The following MMP16 variants were observed in gnomAD, a reference collection of about 807,000 sequenced individuals.
The protein encoded by MMP16 is matrix metallopeptidase 16, also known as matrix metalloproteinase-16.
A neutral mutation model predicts 67.8 loss-of-function variants in MMP16; 12 were observed. The observed-to-expected ratio is 0.18, with a 90% confidence interval of 0.11 to 0.29. MMP16 has a LOEUF of 0.29. Among genes scored for constraint, MMP16 ranks in the 10% least tolerant of loss-of-function variants. The pLI is 1.00. For synonymous variants in MMP16, 249 were observed against 255.9 expected (o/e 0.97, Z 0.26); for missense variants, 475 against 765.7 (o/e 0.62, Z 4.48).
chr8:88,304,582 G>C (rs567599743), intron 1 of MMP16, among the ~76,000 whole-genome samples: 1 of 152,334 alleles, frequency 6.6e-6, no homozygotes, highest in East Asian at 1.9e-4. Flanking sequence ...AAGCCCATCA[G>C]ACTAACAGCA....
chr8:88,038,546 G>T lies in MMP16; in HGVS notation c.*2915C>A, dbSNP rs905923312. 3.3e-5 allele frequency: 5 copies of T among 152,512 alleles called. No individual in the cohort carries two copies. Among genetic ancestry groups the T allele is most frequent in the African/African-American group, 1.2e-4 (5 of 41,442 alleles). The allele number at this position is 152,512 out of a possible 1,614,324, so 9.4% of individuals were successfully genotyped here. A position where few individuals can be genotyped will look rare whatever the true frequency, so the allele number is the denominator to read the frequency against. On this transcript the variant is annotated 3_prime_UTR_variant, in exon 10 of 10. Transcript: ENST00000286614. This position sits in a 1 kb window ranked among gnomAD's most constrained non-coding sequence, Gnocchi z 4.1. Reference sequence around the variant, plus strand: ...AAAAAAAATCAATTTTCAATGCAGGGTGATGGAGTTCCTCAATGATTTGCA... The same window carrying T: ...AAAAAAAATCAATTTTCAATGCAGGTTGATGGAGTTCCTCAATGATTTGCA...
At chr8:88,221,321 T>A (rs944158578) in intron 1 of MMP16, among the ~76,000 whole-genome samples, 1 of 152,136 alleles carries the variant, frequency 6.6e-6, no homozygotes, top group Non-Finnish European at 1.5e-5. Flanking sequence ...AAGTACAGAT[T>A]ACTACACAGT....
At chr8:88,229,711 A>T (rs987761556) in intron 1 of MMP16, among the ~76,000 whole-genome samples, 1 of 151,268 alleles carries the variant, frequency 6.6e-6, no homozygotes, top group South Asian at 2.1e-4. Context: ...AAAAAAAAAG[A>T]CAAGAATGCT....
At chr8:88,326,358 A>G (rs1811537502) in intron 1 of MMP16, among the ~76,000 whole-genome samples, 1 of 152,184 alleles carries the variant, frequency 6.6e-6, no homozygotes, top group South Asian at 2.1e-4. Context: ...AAAGCAAATG[A>G]CAGTCTAAAA....
At chr8:88,241,461 T>C (rs1353412813) in intron 1 of MMP16, among the ~76,000 whole-genome samples, 1 of 152,060 alleles carries the variant, frequency 6.6e-6, no homozygotes, top group Admixed American at 6.6e-5. Flanking sequence ...ATATGAACAT[T>C]TGAGAGCAGA....
intron 4 of MMP16, among the ~76,000 whole-genome samples, chr8:88,165,178 TAA>T (rs11325157): frequency 7.1e-4 from 68 of 95,238 alleles, no homozygotes; most frequent in East Asian, 3.5e-3. Context: ...ACCCCATCTC[TAA>T]AAAAAAAAAA....
intron 1 of MMP16, among the ~76,000 whole-genome samples, chr8:88,261,510 A>C (rs975538004): frequency 1.3e-5 from 2 of 152,072 alleles, no homozygotes; most frequent in African/African-American, 4.8e-5. Context: ...TTAATAGTAT[A>C]ATCGATGTTT....
At position 88,036,502 on chromosome 8, in the gene MMP16, C is replaced by T. The variant is rs1420623329; in HGVS notation, c.*4959G>A. On this transcript the variant is annotated 3_prime_UTR_variant, in exon 10 of 10. Coordinates refer to ENST00000286614, the MANE Select transcript of MMP16 (RefSeq NM_005941.5). ...GCCGCTTTATTTATTACATAAAATT[C>T]TAATTTTTAAGATATAACTGTTAAA... 1 of 151,742 alleles carries T rather than the reference C, an allele frequency of 6.6e-6. No individual in the cohort carries two copies. The highest frequency in any genetic ancestry group is 1.5e-5 in the Non-Finnish European group (1 of 67,804). 9.4% of individuals were successfully genotyped at this position (151,742 alleles called of 1,614,324 possible).
intron 2 of MMP16, among the ~76,000 whole-genome samples, chr8:88,195,668 G>T (rs1489786883): frequency 4.6e-5 from 7 of 152,142 alleles, no homozygotes; most frequent in Non-Finnish European, 1.5e-5. Context: ...GAATTGCAGT[G>T]ATTAGAGGGC....
At chr8:88,128,880 T>C (rs1807980673) in intron 4 of MMP16, among the ~76,000 whole-genome samples, 1 of 151,708 alleles carries the variant, frequency 6.6e-6, no homozygotes, top group African/African-American at 2.4e-5. Flanking sequence ...CTTAGATAGG[T>C]TTTCTGGTTC....
At chr8:88,095,041 T>C (rs1809002335) in intron 6 of MMP16, among the ~76,000 whole-genome samples, 2 of 151,810 alleles carry the variant, frequency 1.3e-5, no homozygotes, top group Non-Finnish European at 2.9e-5. Context: ...GGCCACATGG[T>C]TACAAAATTA....
At chr8:88,271,124 T>C (rs914001152) in intron 1 of MMP16, among the ~76,000 whole-genome samples, 8 of 152,176 alleles carry the variant, frequency 5.3e-5, no homozygotes, top group African/African-American at 1.9e-4. Flanking sequence ...AAGTAAAACA[T>C]GATATTCTGT....
intron 6 of MMP16, among the ~76,000 whole-genome samples, chr8:88,076,087 T>C (rs1450162408): frequency 2.0e-5 from 3 of 152,130 alleles, no homozygotes; most frequent in African/African-American, 4.8e-5. Flanking sequence ...TTGAACTTTG[T>C]TGTAGTTATC....
chr8:88,041,313 A>G lies in MMP16; in HGVS notation c.*148T>C. On this transcript the variant is annotated 3_prime_UTR_variant, in exon 10 of 10. Coordinates refer to ENST00000286614, the MANE Select transcript of MMP16 (RefSeq NM_005941.5). The surrounding 1 kb of genome is among the most constrained non-coding windows in gnomAD (Gnocchi z 6.0). ...GAGTGTATTTCCACTCATGTGCAGG[A>G]CCAGCAACCCTCTGGGTTTGAAAGG... is the stretch of plus-strand genomic sequence containing the variant. The G allele has an allele frequency of 1.4e-6, 1 of 715,342 alleles. No homozygotes were observed. The highest frequency in any genetic ancestry group is 2.4e-6 in the Non-Finnish European group (1 of 420,178). The allele number at this position is 715,342 out of a possible 1,614,324, so 44.3% of individuals were successfully genotyped here. A position where few individuals can be genotyped will look rare whatever the true frequency, so the allele number is the denominator to read the frequency against.
At position 88,041,560 on chromosome 8, in the gene MMP16, T is replaced by A. The variant is rs1282852938; in HGVS notation, c.1725A>T (p.Leu575Phe). ...IAIVIPCILALCLLVLVYTVF... is the reference protein window; with the variant it reads ...IAIVIPCILAFCLLVLVYTVF... ...CAGTGTAAACCAATACAAGGAGGCA[T>A]AAGGCCAAGATGCAGGGAATGACAA... Residue 575 changes from leucine (L) to phenylalanine (F), a missense_variant, in exon 10 of 10, where the codon TTA becomes TTT. Transcript: ENST00000286614. This position sits in a 1 kb window ranked among gnomAD's most constrained non-coding sequence, Gnocchi z 6.0. 1 of 1,614,166 alleles carries A rather than the reference T, an allele frequency of 6.2e-7. No individual in the cohort carries two copies. Among genetic ancestry groups the A allele is most frequent in the Non-Finnish European group, 8.5e-7 (1 of 1,180,004 alleles).
chr8:88,091,856 A>C (rs984628559), intron 6 of MMP16, among the ~76,000 whole-genome samples: 1 of 151,848 alleles, frequency 6.6e-6, no homozygotes, highest in Non-Finnish European at 1.5e-5. Context: ...CAAGTGCTTA[A>C]TAGCAGCCTT....
chr8:88,165,514 T>G (rs1313630924), intron 4 of MMP16, among the ~76,000 whole-genome samples: 1 of 152,098 alleles, frequency 6.6e-6, no homozygotes, highest in African/African-American at 2.4e-5. Flanking sequence ...TCTACCATTA[T>G]AAGTGCTATT....
chr8:88,297,620 G>A (rs781661511), intron 1 of MMP16, among the ~76,000 whole-genome samples: 4 of 152,198 alleles, frequency 2.6e-5, no homozygotes, highest in Non-Finnish European at 4.4e-5. Flanking sequence ...TTCTCAGCCA[G>A]ACTCTACCCA....
intron 1 of MMP16, among the ~76,000 whole-genome samples, chr8:88,316,222 C>T (rs192239904): frequency 3.8e-4 from 58 of 152,262 alleles, no homozygotes; most frequent in Non-Finnish European, 7.5e-4. Flanking sequence ...TCCAGAAGAT[C>T]TAGCTAAAAT....
Sources: allele counts gnomAD v4.1 joint callset (sites outside exome capture counted in the v4.1 genomes callset), GRCh38; gene constraint gnomAD v4.1.1; non-coding constraint Gnocchi (gnomAD v3.1); transcripts MANE v1.5; gene names NCBI Gene and HGNC (gene_info 2026-07-23, HGNC 2026-07-21).